The following DNAI7 variants were observed in gnomAD, a reference collection of about 807,000 sequenced individuals.
The protein encoded by DNAI7 is dynein axonemal intermediate chain 7, also known as cancer susceptibility 1.
A neutral mutation model predicts 86.6 loss-of-function variants in DNAI7; 78 were observed. The observed-to-expected ratio is 0.90, with a 90% CI of 0.75 to 1.09. The LOEUF (loss-of-function observed/expected upper bound fraction) is 1.09. Among genes scored for constraint, DNAI7 ranks in the 50% least tolerant of loss-of-function variants. DNAI7 has a pLI of 0.00. For missense variants in DNAI7, 753 were observed against 810.2 expected (o/e 0.93, Z 0.86); for synonymous variants, 274 against 273.0 (o/e 1.00, Z -0.04).
At chr12:25,160,417 G>GACTCATTCTGATCACCTACTCCACACTA (rs1359090725) in intron 3 of DNAI7, among the ~76,000 whole-genome samples, 1 of 152,122 alleles carries the variant, frequency 6.6e-6, no homozygotes, top group African/African-American at 2.4e-5. Context: ...ACTCCACCCT[G>GACTCATTCTGATCACCTACTCCACACTA]ACTCATTCTG....
In DNAI7 at chr12:25,155,865, T is replaced by C. The variant is rs530254122; in HGVS notation, c.199-453A>G. Among the ~76,000 whole-genome samples the C allele has an allele frequency of 7.8e-4, 118 of 152,240 alleles. 1 individual carries two copies. Among genetic ancestry groups the C allele is most frequent in the Non-Finnish European group, 1.5e-3 (99 of 68,002 alleles). ...TGGCTCACGCCTGTAATCCCAGCAC[T>C]TTGGGAGGCTGAGGCAGGCGGATCA... On this transcript the variant is annotated intron_variant, in intron 4 of 15. Coordinates refer to ENST00000395987, the MANE Select transcript of DNAI7 (RefSeq NM_018272.5).
intron 6 of DNAI7, among the ~76,000 whole-genome samples, chr12:25,151,496 C>G (rs991129539): frequency 6.6e-6 from 1 of 152,178 alleles, no homozygotes; most frequent in African/African-American, 2.4e-5. Context: ...CTTTTCTCAT[C>G]GTTTTTGCTA....
At chr12:25,123,733 T>C (rs985526321) in intron 9 of DNAI7, among the ~76,000 whole-genome samples, 3 of 152,294 alleles carry the variant, frequency 2.0e-5, no homozygotes, top group Middle Eastern at 3.4e-3. Flanking sequence ...TAGTATCCCA[T>C]TGTACTCTAG....
At chr12:25,130,397 C>A (rs1241429638) in intron 9 of DNAI7, among the ~76,000 whole-genome samples, 1 of 151,798 alleles carries the variant, frequency 6.6e-6, no homozygotes, top group Non-Finnish European at 1.5e-5. Flanking sequence ...ATTAGCCGGG[C>A]GCGGGGGCGG....
chr12:25,175,720 G>A (rs1299941949), intron 2 of DNAI7, among the ~76,000 whole-genome samples: 7 of 152,094 alleles, frequency 4.6e-5, no homozygotes, highest in Non-Finnish European at 7.4e-5. Context: ...GTCCTTTCAA[G>A]TATATGATCC....
rs1948645539 is a variant in DNAI7, at chr12:25,174,508, G to GGATATATAT, written c.22-13320_22-13312dup. 2.9e-5 allele frequency among the ~76,000 whole-genome samples: 2 copies of GGATATATAT among 69,448 alleles called. 1 individual carries two copies. The highest frequency in any genetic ancestry group is 3.5e-4 in the Admixed American group (2 of 5,670). The allele number at this position is 69,448 out of a possible 152,430, so 45.6% of individuals were successfully genotyped here. Reference sequence around the variant, plus strand: ...ATATATCATATATCCCATATATATGGGATATATATATCATATATATCATAT... The same window carrying GGATATATAT: ...ATATATCATATATCCCATATATATGGGATATATATGATATATATATCATATATATCATAT... On this transcript the variant is annotated intron_variant, in intron 2 of 15. Transcript: ENST00000395987.
At chr12:25,157,852 TGTTCC>T (rs1946375309) in intron 4 of DNAI7, among the ~76,000 whole-genome samples, 1 of 145,178 alleles carries the variant, frequency 6.9e-6, no homozygotes, top group Non-Finnish European at 1.5e-5. Context: ...TTTTTTTTTT[TGTTCC>T]TGTTATCTTG....
chr12:25,153,828 T>C (rs1019138659), intron 6 of DNAI7, among the ~76,000 whole-genome samples: 3 of 152,228 alleles, frequency 2.0e-5, no homozygotes, highest in Non-Finnish European at 4.4e-5. Context: ...CCCCCAGTAT[T>C]TTTAAGTGCA....
intron 9 of DNAI7, among the ~76,000 whole-genome samples, chr12:25,123,697 T>C (rs1282722998): frequency 6.6e-6 from 1 of 152,218 alleles, no homozygotes; most frequent in Non-Finnish European, 1.5e-5. Flanking sequence ...AAATTAAAGA[T>C]GTTGCAGCTC....
intron 1 of DNAI7, chr12:25,192,833 C>CAAAAAAAAAAAAAAAAAAA (rs34334672): frequency 1.2e-5 from 1 of 81,396 alleles, no homozygotes; most frequent in African/African-American, 5.6e-5. Context: ...AACTCTGCCT[C>CAAAAAAAAAAAAAAAAAAA]AAAAAAAAAA....
Position 25,114,663 on chromosome 12 carries a change from T to G in DNAI7, c.1604A>C (p.Gln535Pro). 1 of 1,602,874 alleles carries G rather than the reference T, an allele frequency of 6.2e-7. No homozygotes were observed. Among genetic ancestry groups the G allele is most frequent in the South Asian group, 1.1e-5 (1 of 90,794 alleles). The change falls in exon 13 of 16, where the codon CAA (glutamine) becomes CCA (proline). Residue 535 changes from glutamine (Q) to proline (P), a missense_variant. Physicochemically the swap from Gln to Pro is moderately conservative, Grantham distance 76. Transcript: ENST00000395987. ...GCTACAAGAGTAACTCACCTTAATT[T>G]GTATTTGAATCTCAGTAAATACTGT... ...VTTVFTEIQIQIKENLCMLSS... is the reference protein window; with the variant it reads ...VTTVFTEIQIPIKENLCMLSS...
intron 9 of DNAI7, among the ~76,000 whole-genome samples, chr12:25,133,652 C>T (rs139063587): frequency 8.3e-4 from 126 of 152,318 alleles, no homozygotes; most frequent in South Asian, 1.5e-3. Flanking sequence ...TTCATATTAG[C>T]ATTTTCAGAA....
At chr12:25,155,154 G>C (rs1381670072) in intron 5 of DNAI7, among the ~76,000 whole-genome samples, 157 bp downstream of exon 5, 1 of 152,170 alleles carries the variant, frequency 6.6e-6, no homozygotes, top group Non-Finnish European at 1.5e-5. Flanking sequence ...TTTCTACAAA[G>C]TTATGTTAGT....
At chr12:25,125,862 T>C (rs1256664926) in intron 9 of DNAI7, among the ~76,000 whole-genome samples, 1 of 152,158 alleles carries the variant, frequency 6.6e-6, no homozygotes, top group Non-Finnish European at 1.5e-5. Flanking sequence ...TTTAATTGAA[T>C]AGGGAGTCTT....
chr12:25,144,767 A>G, intron 8 of DNAI7, 90 bp from the exon 9 acceptor site: 1 of 1,031,056 alleles, frequency 9.7e-7, no homozygotes, highest in Non-Finnish European at 1.4e-6. Context: ...ATTTCTCTTC[A>G]CTTTAATTTT....
At chr12:25,163,946 G>C (rs2141058644) in intron 2 of DNAI7, among the ~76,000 whole-genome samples, 1 of 152,240 alleles carries the variant, frequency 6.6e-6, no homozygotes, top group East Asian at 1.9e-4. Context: ...CTCCGGTGCT[G>C]GTCACTGACT....
intron 2 of DNAI7, among the ~76,000 whole-genome samples, chr12:25,172,614 T>C (rs899501983): frequency 6.6e-6 from 1 of 152,138 alleles, no homozygotes; most frequent in Non-Finnish European, 1.5e-5. Flanking sequence ...CTAAAATTCA[T>C]ACAGAACCAA....
intron 2 of DNAI7, among the ~76,000 whole-genome samples, chr12:25,188,521 T>C (rs972321650): frequency 5.9e-5 from 9 of 152,138 alleles, no homozygotes; most frequent in Non-Finnish European, 1.2e-4. Flanking sequence ...AAATTCCCTT[T>C]ACAGAACACC....
intron 3 of DNAI7, among the ~76,000 whole-genome samples, chr12:25,158,980 T>A (rs559172138): frequency 6.6e-6 from 1 of 152,332 alleles, no homozygotes; most frequent in African/African-American, 2.4e-5. Context: ...GGAACACTAA[T>A]GTTGATGAGA....
Sources: gnomAD v4.1 joint callset for allele counts (sites outside exome capture counted in the v4.1 genomes callset) on GRCh38, gnomAD v4.1.1 for gene constraint, MANE v1.5 for transcripts, NCBI Gene and HGNC (gene_info 2026-07-23, HGNC 2026-07-21) for gene names.